The following CTCF variants were observed in gnomAD, a reference collection of about 807,000 sequenced individuals.
The protein encoded by CTCF is transcriptional repressor CTCF.
A neutral mutation model predicts 72.3 loss-of-function variants in CTCF; 7 were observed. The observed-to-expected ratio is 0.10, with a 90% confidence interval of 0.06 to 0.18. CTCF has a LOEUF of 0.18. Among genes scored for constraint, CTCF ranks in the 10% least tolerant of loss-of-function variants. The pLI, the probability that CTCF is intolerant of heterozygous loss-of-function variation, is 1.00. For missense variants in CTCF, 516 were observed against 949.1 expected, an observed-to-expected ratio of 0.54 and a Z score of 6.00; for synonymous variants, 374 against 315.8, an observed-to-expected ratio of 1.18 and a Z score of -1.95.
At chr16:67,572,555 T>C (rs537659557) in intron 2 of CTCF, 1 of 152,268 alleles carries the variant, frequency 6.6e-6, no homozygotes, top group South Asian at 2.1e-4. Flanking sequence ...TCCTAGAACT[T>C]CAGTTATAGT....
At chr16:67,602,754 T>C (rs896333003) in intron 2 of CTCF, among the ~76,000 whole-genome samples, 6 of 149,040 alleles carry the variant, frequency 4.0e-5, no homozygotes, top group Non-Finnish European at 7.4e-5. Context: ...GGCAGGAGAA[T>C]CGCTTGAACC....
At chr16:67,631,146 CTT>C (rs2052356407) in intron 10 of CTCF, among the ~76,000 whole-genome samples, 1 of 127,170 alleles carries the variant, frequency 7.9e-6, no homozygotes, top group Non-Finnish European at 1.6e-5. Context: ...TTTTTTTGTT[CTT>C]TGTTTGTTTT....
intron 2 of CTCF, among the ~76,000 whole-genome samples, chr16:67,595,410 A>G (rs777496719): frequency 6.6e-5 from 10 of 152,246 alleles, no homozygotes; most frequent in African/African-American, 1.7e-4. Flanking sequence ...TTCATCGTAC[A>G]GAAATCCAGT....
intron 2 of CTCF, among the ~76,000 whole-genome samples, chr16:67,575,605 G>C (rs987703979): frequency 6.6e-6 from 1 of 152,016 alleles, no homozygotes; most frequent in Non-Finnish European, 1.5e-5. Flanking sequence ...ACCATGTCTA[G>C]CTAATTTTTG....
At chr16:67,592,273 A>G (rs929482026) in intron 2 of CTCF, among the ~76,000 whole-genome samples, 2 of 151,846 alleles carry the variant, frequency 1.3e-5, no homozygotes, top group African/African-American at 4.8e-5. Flanking sequence ...TTTGCTGGGC[A>G]TAGTGGTGTA....
chr16:67,607,165 C>T (rs2051985122), intron 2 of CTCF, among the ~76,000 whole-genome samples: 1 of 151,988 alleles, frequency 6.6e-6, no homozygotes, highest in Non-Finnish European at 1.5e-5. Context: ...CCGTGTTGGC[C>T]AGGCTTGTCT....
intron 2 of CTCF, among the ~76,000 whole-genome samples, chr16:67,604,733 T>G (rs1323832120): frequency 3.5e-5 from 5 of 142,422 alleles, no homozygotes; most frequent in African/African-American, 5.8e-5. Flanking sequence ...CACCAGGGTT[T>G]TTTTTTTTTT....
rs1313556040 is a variant in CTCF, at chr16:67,611,040, C to T, written c.208C>T (p.Leu70Phe). ...MVMMEQLDPT[L>F]LQMKTEVMEG... ...GATGATGGAACAGCTGGACCCCACC[C>T]TTCTTCAGATGAAGACTGAAGTAAT... Residue 70 changes from leucine to phenylalanine, a missense_variant, in exon 3 of 12, where the codon CTT (leucine) becomes TTT (phenylalanine). This residue lies in a region of CTCF where 148 missense variants were observed against 194.9 expected (regional missense o/e 0.76). Coordinates refer to ENST00000264010, the MANE Select transcript of CTCF (RefSeq NM_006565.4). The T allele has an allele frequency of 6.2e-7, 1 of 1,614,004 alleles. No individual in the cohort carries two copies. The highest frequency in any genetic ancestry group is 2.2e-5 in the East Asian group (1 of 44,876).
rs1044663235 is a variant in CTCF, at chr16:67,598,877, G to A, written c.-9-11947G>A. 2.0e-5 allele frequency among the ~76,000 whole-genome samples: 3 copies of A among 152,218 alleles called. 1 individual carries two copies. Among genetic ancestry groups the A allele is most frequent in the Admixed American group, 2.0e-4 (3 of 15,280 alleles). Reference sequence around the variant, plus strand: ...AGCCTCGGTGGATTTACCAATTAAAGGCCATTGCTGGCCTCAGAGCAGCTC... The same window carrying A: ...AGCCTCGGTGGATTTACCAATTAAAAGCCATTGCTGGCCTCAGAGCAGCTC... On this transcript the variant is annotated intron_variant, in intron 2 of 11. Transcript: ENST00000264010.
intron 2 of CTCF, among the ~76,000 whole-genome samples, chr16:67,592,342 G>T (rs775165450): frequency 2.0e-5 from 3 of 152,026 alleles, no homozygotes; most frequent in Admixed American, 6.6e-5. Context: ...AACCCTGGAG[G>T]CAGAGGTTGC....
At chr16:67,605,739 G>A (rs2051964761) in intron 2 of CTCF, among the ~76,000 whole-genome samples, 1 of 152,204 alleles carries the variant, frequency 6.6e-6, no homozygotes, top group Admixed American at 6.6e-5. Flanking sequence ...CAAAGTAGTG[G>A]CCACAAGAAC....
At chr16:67,618,825 C>A (rs973626819) in intron 5 of CTCF, among the ~76,000 whole-genome samples, 1 of 152,126 alleles carries the variant, frequency 6.6e-6, no homozygotes, top group Non-Finnish European at 1.5e-5. Context: ...TGAAGAAAAC[C>A]TCAGTAACTT....
At chr16:67,570,414 C>T (rs2051400433) in intron 1 of CTCF, among the ~76,000 whole-genome samples, 2 of 148,650 alleles carry the variant, frequency 1.3e-5, no homozygotes, top group African/African-American at 2.5e-5. Flanking sequence ...AATATGTGTG[C>T]CATTATTTGG....
At chr16:67,617,019 C>G (rs1282811586) in intron 5 of CTCF, 141 bp downstream of exon 5, 2 of 821,652 alleles carry the variant, frequency 2.4e-6, no homozygotes, top group African/African-American at 3.4e-5. Flanking sequence ...CACAACACCG[C>G]TCCCCCAAAA....
intron 2 of CTCF, among the ~76,000 whole-genome samples, chr16:67,604,823 G>C (rs1043205242): frequency 2.7e-5 from 4 of 147,752 alleles, no homozygotes; most frequent in African/African-American, 1.0e-4. Context: ...TATGTTTGTG[G>C]CTTGCATTAT....
chr16:67,611,676 G>T, intron 3 of CTCF, 63 bp downstream of exon 3: 1 of 1,418,964 alleles, frequency 7.0e-7, no homozygotes, highest in South Asian at 1.3e-5. Flanking sequence ...ACAACACAGT[G>T]CATATGCAAG....
chr16:67,618,688 C>T (rs570421579), intron 5 of CTCF, among the ~76,000 whole-genome samples: 2 of 151,956 alleles, frequency 1.3e-5, no homozygotes, highest in East Asian at 1.9e-4. Flanking sequence ...GTTCACTGGC[C>T]GGATATAAGA....
At chr16:67,624,330 A>G (rs142217970) in intron 7 of CTCF, among the ~76,000 whole-genome samples, 8 of 152,070 alleles carry the variant, frequency 5.3e-5, no homozygotes, top group East Asian at 3.9e-4. Flanking sequence ...TCACTCTGGT[A>G]TAATGACTGT....
Position 67,637,869 on chromosome 16 carries a change from G to T in CTCF, c.2181G>T (p.Arg727=). ...AGATGATCCTCAGCATGATGGACCG[G>T]TGATGGCGGAGCCTTGTGCGTCGCC... The part of the protein sequence containing the change: ...TPEMILSMMD[R] The change falls in exon 12 of 12, where the codon CGG becomes CGT. Residue 727 remains arginine (R), a synonymous_variant. Transcript: ENST00000264010. 6.2e-7 allele frequency: 1 copy of T among 1,608,182 alleles called. No homozygotes were observed. Among genetic ancestry groups the T allele is most frequent in the Non-Finnish European group, 8.5e-7 (1 of 1,177,394 alleles).
Sources: allele counts gnomAD v4.1 joint callset (sites outside exome capture counted in the v4.1 genomes callset), GRCh38; gene constraint gnomAD v4.1.1; regional missense constraint gnomAD v4.1.1; transcripts MANE v1.5; gene names NCBI Gene and HGNC (gene_info 2026-07-23, HGNC 2026-07-21).